The following TMPRSS12 variants were observed in gnomAD, a reference collection of about 807,000 sequenced individuals.
TMPRSS12 encodes the protein transmembrane serine protease 12, also known as transmembrane protease serine 12.
TMPRSS12 carries 25 observed loss-of-function variants against 26.0 expected under a neutral mutation model. The observed-to-expected ratio is 0.96, with a 90% confidence interval of 0.70 to 1.34. The LOEUF (loss-of-function observed/expected upper bound fraction) is 1.34, where lower values mean the gene tolerates loss of function less well. Ranked by LOEUF, TMPRSS12 falls within the 40% of genes most tolerant of loss-of-function variation. The pLI, the probability that TMPRSS12 is intolerant of heterozygous loss-of-function variation, is 0.00. For missense variants in TMPRSS12, 441 were observed against 440.1 expected (o/e 1.00, Z -0.02); for synonymous variants, 150 against 161.7 (o/e 0.93, Z 0.55).
Position 50,843,015 on chromosome 12 carries a change from CTTAT to C in TMPRSS12, c.52_55del (p.Leu18ThrfsTer61). 6.2e-7 allele frequency: 1 copy of C among 1,607,664 alleles called. No homozygotes were observed. Among genetic ancestry groups the C allele is most frequent in the Non-Finnish European group, 8.5e-7 (1 of 1,177,302 alleles). On this transcript the variant is annotated frameshift_variant, in exon 1 of 5. Coordinates refer to ENST00000398458, the MANE Select transcript of TMPRSS12 (RefSeq NM_182559.3). LOFTEE classifies it high-confidence loss of function. ...CGCTGTTGTTTGTGGGGAGCTCTCA[CTTAT>C]ACTCAGACCACTACTCGCCCTCTGG...
chr12:50,868,343 GC>G (rs1189682163), intron 3 of TMPRSS12, among the ~76,000 whole-genome samples: 2 of 152,172 alleles, frequency 1.3e-5, no homozygotes, highest in Non-Finnish European at 2.9e-5. Context: ...AGCAGGGATA[GC>G]TATTTTCATG....
intron 2 of TMPRSS12, chr12:50,847,918 C>T (rs1188535444): frequency 1.3e-5 from 2 of 151,102 alleles, no homozygotes; most frequent in Non-Finnish European, 2.9e-5. Context: ...TATATATATA[C>T]ACATATATAT....
chr12:50,866,840 G>A lies in TMPRSS12; in HGVS notation c.652+7787G>A, dbSNP rs368468623. Among the ~76,000 whole-genome samples the A allele has an allele frequency of 2.2e-4, 33 of 152,302 alleles. No individual in the cohort carries two copies. In the South Asian group the frequency reaches 3.3e-3, roughly 15 times the overall value. ...AGACAGCCCCCAGTACCAGCCCAGA[G>A]CCTGGTAGACTTGCTGGGTGGCTAG... On this transcript the variant is annotated intron_variant, in intron 3 of 4. Coordinates refer to ENST00000398458, the MANE Select transcript of TMPRSS12 (RefSeq NM_182559.3).
chr12:50,845,724 C>T (rs1334469551), intron 2 of TMPRSS12, among the ~76,000 whole-genome samples: 1 of 152,162 alleles, frequency 6.6e-6, no homozygotes, highest in Non-Finnish European at 1.5e-5. Flanking sequence ...TCTGTCCCTC[C>T]ACCCTCCCTA....
At chr12:50,847,509 G>A (rs11169591) in intron 2 of TMPRSS12, among the ~76,000 whole-genome samples, 10,693 of 151,352 alleles carry the variant, frequency 0.071, 849 homozygotes, top group East Asian at 0.32. Flanking sequence ...AGGGAGTTTC[G>A]CTCTTGTTGC....
intron 4 of TMPRSS12, chr12:50,886,638 C>T (rs2139740801): frequency 1.3e-5 from 2 of 152,308 alleles, no homozygotes; most frequent in Middle Eastern, 6.8e-3. Flanking sequence ...GTTTTCAGTG[C>T]ATTAACAGGC....
chr12:50,887,602 T>C lies in TMPRSS12; in HGVS notation c.*89T>C. 1.4e-6 allele frequency: 2 copies of C among 1,465,174 alleles called. No homozygotes were observed. The highest frequency in any genetic ancestry group is 1.8e-6 in the Non-Finnish European group (2 of 1,093,670). 90.8% of individuals were successfully genotyped at this position (1,465,174 alleles called of 1,614,324 possible). ...GAACATCATTTATTCTTCTAGCAAT[T>C]AATTGCCTACATTAGAGATTTCATG... On this transcript the variant is annotated 3_prime_UTR_variant, in exon 5 of 5. Transcript: ENST00000398458.
chr12:50,865,060 G>T (rs372843988), intron 3 of TMPRSS12, among the ~76,000 whole-genome samples: 1 of 152,152 alleles, frequency 6.6e-6, no homozygotes, highest in Non-Finnish European at 1.5e-5. Context: ...GGCTGGGTGC[G>T]GTGGCCCATG....
chr12:50,872,425 A>G (rs1192220321), intron 3 of TMPRSS12, among the ~76,000 whole-genome samples: 1 of 142,626 alleles, frequency 7.0e-6, no homozygotes, highest in Non-Finnish European at 1.5e-5. Flanking sequence ...AGGCAGGAGA[A>G]TGGCGTGAAC....
At chr12:50,862,782 C>A (rs768332078) in intron 3 of TMPRSS12, among the ~76,000 whole-genome samples, 2 of 152,050 alleles carry the variant, frequency 1.3e-5, no homozygotes, top group Admixed American at 1.3e-4. Flanking sequence ...CCACCTTGGC[C>A]TCCCAAAGTG....
At chr12:50,859,506 G>A (rs574758241) in intron 3 of TMPRSS12, among the ~76,000 whole-genome samples, 4 of 151,982 alleles carry the variant, frequency 2.6e-5, no homozygotes, top group South Asian at 4.2e-4. Context: ...ATGAGCCACC[G>A]CACCTGGCAT....
chr12:50,853,325 C>T (rs1937844055), intron 2 of TMPRSS12, among the ~76,000 whole-genome samples: 1 of 152,088 alleles, frequency 6.6e-6, no homozygotes, highest in Admixed American at 6.6e-5. Context: ...ACAGCTAAAG[C>T]AATGTTAAGA....
At chr12:50,864,009 C>T (rs938529798) in intron 3 of TMPRSS12, among the ~76,000 whole-genome samples, 1 of 152,018 alleles carries the variant, frequency 6.6e-6, no homozygotes, top group Non-Finnish European at 1.5e-5. Context: ...TTAAATGAAC[C>T]ACATATAACC....
chr12:50,885,475 CT>C, intron 4 of TMPRSS12, 87 bp downstream of exon 4: 1 of 1,452,466 alleles, frequency 6.9e-7, no homozygotes, highest in Non-Finnish European at 9.6e-7. Context: ...TTCTGGTGGT[CT>C]TAATTATCAG....
rs1419561700 is a variant in TMPRSS12, at chr12:50,858,976, T to A, written c.575T>A (p.Leu192Gln). 1 of 1,599,660 alleles carries A rather than the reference T, an allele frequency of 6.3e-7. No homozygotes were observed. Residue 192 changes from leucine to glutamine, a missense_variant, in exon 3 of 5, where the codon CTA becomes CAA. By Grantham distance (113) the Leu-to-Gln change is moderately radical. Coordinates refer to ENST00000398458, the MANE Select transcript of TMPRSS12 (RefSeq NM_182559.3). The part of the protein sequence containing the change: ...RYNDYIQPIC[L>Q]PFDVFQILDG... ...AATGACTATATTCAGCCTATTTGCC[T>A]ACCTTTTGATGTTTTCCAAATCCTG...
chr12:50,855,395 G>A (rs188346532), intron 2 of TMPRSS12, among the ~76,000 whole-genome samples: 115 of 152,136 alleles, frequency 7.6e-4, no homozygotes, highest in South Asian at 2.7e-3. Flanking sequence ...TAAAATGAGC[G>A]AAGGACATGA....
chr12:50,848,267 A>C (rs1470543929), intron 2 of TMPRSS12: 1 of 151,394 alleles, frequency 6.6e-6, no homozygotes, highest in Non-Finnish European at 1.5e-5. Context: ...TTAATTTCAC[A>C]TTGGTAGATA....
intron 3 of TMPRSS12, among the ~76,000 whole-genome samples, chr12:50,861,814 C>CTT (rs59550869): frequency 1.3e-3 from 182 of 145,068 alleles, no homozygotes; most frequent in East Asian, 4.0e-3. Flanking sequence ...ATTAATATAT[C>CTT]TTTTTTTTTT....
intron 3 of TMPRSS12, among the ~76,000 whole-genome samples, chr12:50,883,184 A>T (rs770536295): frequency 6.6e-6 from 1 of 152,142 alleles, no homozygotes; most frequent in Non-Finnish European, 1.5e-5. Flanking sequence ...CCAAAAAATT[A>T]TCTGGGCATA....
Sources: gnomAD v4.1 joint callset for allele counts (sites outside exome capture counted in the v4.1 genomes callset) on GRCh38, gnomAD v4.1.1 for gene constraint, MANE v1.5 for transcripts, NCBI Gene and HGNC (gene_info 2026-07-23, HGNC 2026-07-21) for gene names.